DAG1: variants seen among roughly 807,000 people sequenced by gnomAD.
DAG1 encodes the protein dystroglycan 1.
In DAG1, 8 loss-of-function variants were observed where a neutral mutation model predicts 46.1. The observed-to-expected ratio is 0.17, with a 90% CI of 0.10 to 0.31. The LOEUF (loss-of-function observed/expected upper bound fraction) is 0.31, where lower values mean the gene tolerates loss of function less well. DAG1 is among the 10% of genes least tolerant of loss of function. DAG1 has a pLI of 1.00. For synonymous variants in DAG1, 495 were observed against 481.8 expected (o/e 1.03, Z -0.36); for missense variants, 1,003 against 1,189.9 (o/e 0.84, Z 2.31).
intron 1 of DAG1, among the ~76,000 whole-genome samples, chr3:49,499,105 C>T (rs115562524): frequency 0.015 from 2,256 of 152,226 alleles, 46 homozygotes; most frequent in African/African-American, 0.051. Flanking sequence ...GTAGGGGCTC[C>T]TAGGAGTGGT....
At chr3:49,468,986 C>G (rs1016132747), upstream of DAG1, 1 of 152,162 alleles carries the variant, frequency 6.6e-6, no homozygotes, top group African/African-American at 2.4e-5. Context: ...AGCACCTAGC[C>G]CCTTCCTTTT....
chr3:49,516,285 C>G (rs551463585), intron 2 of DAG1, among the ~76,000 whole-genome samples: 1 of 152,328 alleles, frequency 6.6e-6, no homozygotes, highest in East Asian at 1.9e-4. Context: ...TGTAGGCTGG[C>G]AAAGGGAATG....
intron 2 of DAG1, among the ~76,000 whole-genome samples, chr3:49,515,069 C>T (rs966487777): frequency 6.6e-6 from 1 of 152,058 alleles, no homozygotes; most frequent in Non-Finnish European, 1.5e-5. Context: ...CTCCTGACCT[C>T]GTGATCCGCC....
rs374490206 is a variant in DAG1, at chr3:49,532,152, C to T, written c.1641C>T (p.Gly547=). 82 of 1,614,082 alleles carry T rather than the reference C, an allele frequency of 5.1e-5. No individual in the cohort carries two copies. The Admixed American group carries it at 1.1e-3, about 23-fold the overall frequency. ...TLKLREQQLV[G]EKSWVQFNSN... ...AACTGCGGGAGCAGCAGCTGGTGGG[C>T]GAGAAGTCCTGGGTACAGTTCAACA... The change falls in exon 3 of 3, where the codon GGC becomes GGT. Residue 547 remains glycine, a synonymous_variant. Coordinates refer to ENST00000308775, the MANE Select transcript of DAG1 (RefSeq NM_004393.6). The surrounding 1 kb of genome is among the most constrained non-coding windows in gnomAD (Gnocchi z 5.4).
chr3:49,527,679 G>T (rs1465019991), intron 2 of DAG1, among the ~76,000 whole-genome samples: 2 of 152,192 alleles, frequency 1.3e-5, no homozygotes, highest in Non-Finnish European at 2.9e-5. Context: ...CTCCAGCCTG[G>T]GTGATAGAGT....
At chr3:49,495,950 GAAAAA>G (rs111432411) in intron 1 of DAG1, among the ~76,000 whole-genome samples, 1 of 144,874 alleles carries the variant, frequency 6.9e-6, no homozygotes, top group Non-Finnish European at 1.5e-5. Flanking sequence ...CAAAAAAACA[GAAAAA>G]AAAAAACCCC....
rs371638777 is a variant in DAG1 at position 49,510,696 on chromosome 3, C to G, written c.162C>G (p.Leu54=). 1.9e-6 allele frequency: 3 copies of G among 1,614,162 alleles called. No homozygotes were observed. Among genetic ancestry groups the G allele is most frequent in the Non-Finnish European group, 1.7e-6 (2 of 1,180,044 alleles). ...TTGAGGCATCCATGCACTCAGTGCT[C>G]TCAGACCTCCACGAGGCTGTTCCCA... The part of the protein sequence containing the change: ...NQLEASMHSV[L]SDLHEAVPTV... The change falls in exon 2 of 3, where the codon CTC becomes CTG. Residue 54 remains leucine, a synonymous_variant. Transcript: ENST00000308775.
chr3:49,475,310 G>A (rs2049649972), intron 1 of DAG1, among the ~76,000 whole-genome samples: 2 of 149,918 alleles, frequency 1.3e-5, no homozygotes, highest in Admixed American at 1.3e-4. Flanking sequence ...CTCCATGTTG[G>A]TCAGGCTGGT....
rs149767658 is a variant in DAG1 at position 49,472,514 on chromosome 3, T to G, written c.-117+2081T>G. ...GAAAGGAGGCCTGGCATTTGATTAT[T>G]AAAAACTTTATCGCCGGGCATGGTG... On this transcript the variant is annotated intron_variant, in intron 1 of 2. Transcript: ENST00000308775. 4.8e-3 allele frequency among the ~76,000 whole-genome samples: 729 copies of G among 152,186 alleles called. 8 individuals are homozygous for G. The highest frequency in any genetic ancestry group is 0.016 in the African/African-American group (682 of 41,518).
rs1381762814 is a variant in DAG1 at position 49,534,380 on chromosome 3, C to T, written c.*1181C>T. The stretch of plus-strand genomic sequence containing the variant: ...TTTCTCTGGCACTCCAGTCCCAGGC[C>T]TTGGGCCTGAACTACTGGAAAAGGT... On this transcript the variant is annotated 3_prime_UTR_variant, in exon 3 of 3. Transcript: ENST00000308775. 1 of 152,632 alleles carries T rather than the reference C, an allele frequency of 6.6e-6. No individual in the cohort carries two copies. The highest frequency in any genetic ancestry group is 1.5e-5 in the Non-Finnish European group (1 of 68,042). 9.5% of individuals were successfully genotyped at this position (152,632 alleles called of 1,614,324 possible).
intron 2 of DAG1, among the ~76,000 whole-genome samples, chr3:49,529,351 G>T (rs192615958): frequency 4.6e-5 from 7 of 152,228 alleles, no homozygotes; most frequent in Admixed American, 4.6e-4. Flanking sequence ...ATACATTTTT[G>T]CTGGGTGTAG....
intron 1 of DAG1, among the ~76,000 whole-genome samples, chr3:49,507,560 T>G (rs1559562460): frequency 2.6e-5 from 4 of 152,162 alleles, no homozygotes; most frequent in Admixed American, 2.0e-4. Flanking sequence ...AGGCTCCATC[T>G]CAAATAAATA....
At chr3:49,517,462 A>C (rs973665679) in intron 2 of DAG1, among the ~76,000 whole-genome samples, 1 of 152,176 alleles carries the variant, frequency 6.6e-6, no homozygotes, top group Non-Finnish European at 1.5e-5. Context: ...GACCTCTGAC[A>C]CTGCAGGGCT....
Position 49,522,394 on chromosome 3 carries a change from T to TGACCTCGTGATC in DAG1, c.286-8402_286-8391dup, listed in dbSNP as rs1405431571. ...GTTGGCCAGGCTGCTCTTGAACTCC[T>TGACCTCGTGATC]GACCTCGTGATCCACCCGCTTCGGC... On this transcript the variant is annotated intron_variant, in intron 2 of 2. Transcript: ENST00000308775. 2.6e-5 allele frequency among the ~76,000 whole-genome samples: 4 copies of TGACCTCGTGATC among 152,128 alleles called. No homozygotes were observed. In the East Asian group the frequency reaches 7.7e-4, roughly 29 times the overall value.
intron 2 of DAG1, among the ~76,000 whole-genome samples, chr3:49,528,170 C>A (rs949205470): frequency 2.0e-5 from 3 of 150,986 alleles, no homozygotes; most frequent in Non-Finnish European, 4.4e-5. Flanking sequence ...AGCATTCAAC[C>A]TTTATTTTAT....
intron 1 of DAG1, among the ~76,000 whole-genome samples, chr3:49,489,152 A>G (rs1433899633): frequency 6.6e-6 from 1 of 151,348 alleles, no homozygotes; most frequent in Non-Finnish European, 1.5e-5. Flanking sequence ...CTGGAGTGCA[A>G]TGGCGTGATC....
chr3:49,527,521 CA>C (rs539525966), intron 2 of DAG1, among the ~76,000 whole-genome samples: 120 of 106,792 alleles, frequency 1.1e-3, no homozygotes, highest in South Asian at 3.5e-3. Flanking sequence ...GACTCTGTCT[CA>C]AAAAAAAAAA....
intron 2 of DAG1, among the ~76,000 whole-genome samples, chr3:49,520,142 C>T (rs2050990796): frequency 6.6e-6 from 1 of 152,238 alleles, no homozygotes. Flanking sequence ...GGACAAAGGC[C>T]TGGCCCTCTG....
chr3:49,470,079 T>G (rs4855840), upstream of DAG1: 148,169 of 151,822 alleles, frequency 0.98, 72,418 homozygotes, highest in Middle Eastern at 1. Context: ...AGAGAGGTGC[T>G]GGCCGGGGCG....
Sources: gnomAD v4.1 joint callset for allele counts (sites outside exome capture counted in the v4.1 genomes callset) on GRCh38, gnomAD v4.1.1 for gene constraint, Gnocchi (gnomAD v3.1) non-coding constraint, MANE v1.5 for transcripts, NCBI Gene and HGNC (gene_info 2026-07-23, HGNC 2026-07-21) for gene names.